TF: variants seen among roughly 807,000 people sequenced by gnomAD.
TF encodes the protein transferrin.
TF carries 55 observed loss-of-function variants against 82.4 expected under a neutral mutation model. The ratio of observed to expected loss-of-function variants is 0.67; its 90% CI spans 0.54 to 0.84. TF has a LOEUF of 0.84. Ranked by LOEUF, TF falls within the 40% of genes least tolerant of loss-of-function variation. The pLI is 0.00. For missense variants in TF, 737 were observed against 868.4 expected, an observed-to-expected ratio of 0.85 and a Z score of 1.90; for synonymous variants, 332 against 332.6, an observed-to-expected ratio of 1.00 and a Z score of 0.02.
intron 7 of TF, among the ~76,000 whole-genome samples, chr3:133,757,420 A>T (rs1160173248): frequency 6.6e-6 from 1 of 152,048 alleles, no homozygotes; most frequent in Non-Finnish European, 1.5e-5. Context: ...GAGCTGTGTG[A>T]TTTGGGCTCA....
At chr3:133,677,886 G>T in the TF span, among the ~76,000 whole-genome samples, 1 of 151,972 alleles carries the variant, frequency 6.6e-6, no homozygotes, top group Non-Finnish European at 1.5e-5. Flanking sequence ...AATACTTTAA[G>T]TTCTGGGATA....
At chr3:133,699,852 ACT>A in the TF span, 5 of 204,162 alleles carry the variant, frequency 2.4e-5, no homozygotes, top group African/African-American at 9.3e-5. Context: ...TGGACTGAAG[ACT>A]CTCTGCAGAA....
At chr3:133,734,549 C>T in the TF span, among the ~76,000 whole-genome samples, 2 of 152,064 alleles carry the variant, frequency 1.3e-5, no homozygotes, top group South Asian at 2.1e-4. Context: ...ACTCACGAGT[C>T]CATGCAGATA....
chr3:133,756,144 C>T, intron 5 of TF, 138 bp from the exon 6 acceptor site: 3 of 796,824 alleles, frequency 3.8e-6, no homozygotes, highest in South Asian at 3.1e-5. Flanking sequence ...GAGGTCTGCA[C>T]ACCATGGTGT....
At chr3:133,759,092 G>C in intron 8 of TF, 83 bp from the exon 9 acceptor site, 1 of 1,563,056 alleles carries the variant, frequency 6.4e-7, no homozygotes, top group Non-Finnish European at 8.8e-7. Context: ...CCCAGCATTT[G>C]CATGAAGACA....
chr3:133,707,240 G>A, the TF span, among the ~76,000 whole-genome samples: 21 of 147,054 alleles, frequency 1.4e-4, no homozygotes, highest in Non-Finnish European at 2.5e-4. Context: ...AAAGATGGAT[G>A]ACAATAATGA....
chr3:133,743,800 C>T (rs867750890), upstream of TF, among the ~76,000 whole-genome samples: 5 of 152,258 alleles, frequency 3.3e-5, no homozygotes, highest in South Asian at 2.1e-4. Flanking sequence ...GGACATGGAG[C>T]GCTGTAATGT....
intron 1 of TF, chr3:133,748,014 T>C (rs1047419252): frequency 9.9e-6 from 2 of 202,274 alleles, no homozygotes; most frequent in African/African-American, 4.5e-5. Context: ...TGGTTTTCCA[T>C]AGTTGAGGTA....
the TF span, among the ~76,000 whole-genome samples, chr3:133,734,820 C>T: frequency 1.3e-5 from 2 of 148,438 alleles, no homozygotes; most frequent in African/African-American, 4.9e-5. Context: ...AAAAAAAAAC[C>T]TGTTAAATAC....
chr3:133,687,144 A>G, the TF span, among the ~76,000 whole-genome samples: 2 of 152,298 alleles, frequency 1.3e-5, no homozygotes, highest in African/African-American at 4.8e-5. Flanking sequence ...GAATTGAACA[A>G]TGAGAACACT....
chr3:133,684,949 T>A, the TF span, among the ~76,000 whole-genome samples: 1 of 152,006 alleles, frequency 6.6e-6, no homozygotes, highest in Admixed American at 6.6e-5. Flanking sequence ...GATGCAAAAA[T>A]CCTCAGTAAA....
chr3:133,685,967 C>T, the TF span, among the ~76,000 whole-genome samples: 3 of 152,090 alleles, frequency 2.0e-5, no homozygotes, highest in Non-Finnish European at 4.4e-5. Flanking sequence ...GCTACAGTAA[C>T]CAAAACAGCA....
chr3:133,724,485 C>A, the TF span, among the ~76,000 whole-genome samples: 1 of 152,094 alleles, frequency 6.6e-6, no homozygotes, highest in Non-Finnish European at 1.5e-5. Flanking sequence ...TATCCTTTGC[C>A]CACATTTGAT....
Position 133,759,259 on chromosome 3 carries a change from GTGT to G in TF, c.1135_1137del (p.Val379del). On this transcript the variant is annotated inframe_deletion, in exon 9 of 17. Coordinates refer to ENST00000402696, the MANE Select transcript of TF (RefSeq NM_001063.4). ...GAGAGGCTCAAGTGTGATGAGTGGA[GTGT>G]TAACAGTGTAGGGAAAATAGAGTGT... The G allele has an allele frequency of 6.2e-7, 1 of 1,614,128 alleles. No homozygotes were observed. Among genetic ancestry groups the G allele is most frequent in the South Asian group, 1.1e-5 (1 of 91,068 alleles).
At chr3:133,716,663 A>G in the TF span, among the ~76,000 whole-genome samples, 2 of 152,254 alleles carry the variant, frequency 1.3e-5, no homozygotes, top group African/African-American at 4.8e-5. Flanking sequence ...TCCACAACAC[A>G]TGAGCCAAAG....
chr3:133,713,247 A>C, the TF span, among the ~76,000 whole-genome samples: 1 of 152,224 alleles, frequency 6.6e-6, no homozygotes, highest in Non-Finnish European at 1.5e-5. Context: ...TTTATTGAGC[A>C]CCTAATAGGT....
Position 133,795,743 on chromosome 3 carries a change from T to C in TF, c.*17123T>C, listed in dbSNP as rs1934951733. The C allele has an allele frequency of 6.6e-6, 1 of 151,772 alleles. No homozygotes were observed. The highest frequency in any genetic ancestry group is 1.5e-5 in the Non-Finnish European group (1 of 68,022). 9.4% of individuals were successfully genotyped at this position (151,772 alleles called of 1,614,324 possible). ...GGCACCTGCCACCACGCCCGGCTAA[T>C]TTTTTTGTATTTTTAGTGGAGACGG... On this transcript the variant is annotated 3_prime_UTR_variant, in exon 17 of 17. Transcript: ENST00000402696.
At chr3:133,767,248 C>T (rs550902411) in intron 12 of TF, among the ~76,000 whole-genome samples, 22 of 152,278 alleles carry the variant, frequency 1.4e-4, no homozygotes, top group South Asian at 6.2e-4. Flanking sequence ...ATTTCTACCC[C>T]GCTTAAACTT....
chr3:133,744,618 C>T (rs1052743825), upstream of TF, among the ~76,000 whole-genome samples: 4 of 152,132 alleles, frequency 2.6e-5, no homozygotes, highest in East Asian at 1.9e-4. Flanking sequence ...GGCCCGTGGA[C>T]GGGCAAGGGG....
Sources: allele counts gnomAD v4.1 joint callset (sites outside exome capture counted in the v4.1 genomes callset), GRCh38; gene constraint gnomAD v4.1.1; transcripts MANE v1.5; gene names NCBI Gene and HGNC (gene_info 2026-07-23, HGNC 2026-07-21).